Variants in ADAM18 observed in about 807,000 individuals in gnomAD.
ADAM18 encodes the protein ADAM metallopeptidase domain 18, also known as disintegrin and metalloproteinase domain-containing protein 18.
In ADAM18, 117 loss-of-function variants were observed where a neutral mutation model predicts 94.4. The ratio of observed to expected loss-of-function variants is 1.24; its 90% CI spans 1.07 to 1.45. The LOEUF is 1.45. ADAM18 is among the 40% of genes most tolerant of loss of function. ADAM18 has a pLI of 0.00. For synonymous variants in ADAM18, 327 were observed against 291.6 expected, an observed-to-expected ratio of 1.12 and a Z score of -1.24; for missense variants, 936 against 880.0, an observed-to-expected ratio of 1.06 and a Z score of -0.81.
At chr8:39,624,101 G>C (rs1429358733) in intron 6 of ADAM18, among the ~76,000 whole-genome samples, 1 of 152,060 alleles carries the variant, frequency 6.6e-6, no homozygotes, top group Non-Finnish European at 1.5e-5. Context: ...CCCTTCTTTA[G>C]GTTGTCTGTT....
At chr8:39,621,304 CA>C (rs1167288703) in intron 6 of ADAM18, among the ~76,000 whole-genome samples, 1 of 134,168 alleles carries the variant, frequency 7.5e-6, no homozygotes. Context: ...ACATGCATGA[CA>C]AAATCACACA....
intron 14 of ADAM18, among the ~76,000 whole-genome samples, chr8:39,676,584 G>A (rs931863239): frequency 2.1e-4 from 23 of 110,704 alleles, no homozygotes; most frequent in African/African-American, 7.5e-4. Flanking sequence ...GAAATCCCTC[G>A]ACTCCTTGCT....
intron 10 of ADAM18, 76 bp from the exon 11 acceptor site, chr8:39,645,262 T>C: frequency 7.9e-7 from 1 of 1,258,286 alleles, no homozygotes; most frequent in Admixed American, 2.2e-5. Flanking sequence ...GAAAATATGA[T>C]AGGAGTAAAA....
intron 16 of ADAM18, 91 bp from the exon 17 acceptor site, chr8:39,692,509 C>A: frequency 1.8e-6 from 1 of 543,210 alleles, no homozygotes; most frequent in Non-Finnish European, 3.1e-6. Context: ...TCAACTTAAG[C>A]ATCTCTTATA....
At chr8:39,591,732 A>G (rs1048914966) in intron 2 of ADAM18, among the ~76,000 whole-genome samples, 1 of 152,226 alleles carries the variant, frequency 6.6e-6, no homozygotes, top group African/African-American at 2.4e-5. Context: ...ATGAATCGTG[A>G]ATTGTCTTAA....
intron 7 of ADAM18, among the ~76,000 whole-genome samples, chr8:39,635,931 T>C (rs1820062593): frequency 6.6e-6 from 1 of 152,128 alleles, no homozygotes; most frequent in Admixed American, 6.6e-5. Flanking sequence ...TTTTCCTACA[T>C]TCTGAATGAT....
intron 12 of ADAM18, among the ~76,000 whole-genome samples, chr8:39,655,020 T>C (rs1170760353): frequency 6.6e-6 from 1 of 152,196 alleles, no homozygotes; most frequent in Non-Finnish European, 1.5e-5. Flanking sequence ...TCATTTGCTG[T>C]ACAGAAGCTT....
chr8:39,634,223 T>C (rs753951544), intron 7 of ADAM18, among the ~76,000 whole-genome samples: 1 of 152,130 alleles, frequency 6.6e-6, no homozygotes, highest in Non-Finnish European at 1.5e-5. Context: ...ACTGTGAACC[T>C]TGGCTGTGTC....
chr8:39,649,460 C>A (rs1412425535), intron 12 of ADAM18, among the ~76,000 whole-genome samples: 1 of 152,094 alleles, frequency 6.6e-6, no homozygotes, highest in Non-Finnish European at 1.5e-5. Flanking sequence ...CTGTGCTCAT[C>A]TTGCAGTCTC....
At chr8:39,586,108 A>C (rs77967245) in intron 2 of ADAM18, among the ~76,000 whole-genome samples, 2 of 152,202 alleles carry the variant, frequency 1.3e-5, no homozygotes, top group East Asian at 3.8e-4. Flanking sequence ...TAAGGAAAAG[A>C]TTAATCTATT....
intron 6 of ADAM18, among the ~76,000 whole-genome samples, chr8:39,623,303 A>G (rs755243693): frequency 1.4e-4 from 21 of 152,170 alleles, no homozygotes; most frequent in Non-Finnish European, 7.4e-5. Flanking sequence ...TGCTGGAGTA[A>G]ACATATGTGT....
At chr8:39,595,246 A>G (rs1016217139) in intron 2 of ADAM18, among the ~76,000 whole-genome samples, 2 of 151,864 alleles carry the variant, frequency 1.3e-5, no homozygotes, top group Admixed American at 6.6e-5. Flanking sequence ...TGTGTTATTC[A>G]TTGTACCTAA....
intron 6 of ADAM18, among the ~76,000 whole-genome samples, chr8:39,616,433 T>A (rs754871850): frequency 7.2e-5 from 11 of 152,118 alleles, no homozygotes; most frequent in Non-Finnish European, 7.4e-5. Context: ...ATTGTTAAAA[T>A]GACAGTGCAT....
At chr8:39,723,059 C>A (rs1177134207) in intron 18 of ADAM18, among the ~76,000 whole-genome samples, 1 of 151,324 alleles carries the variant, frequency 6.6e-6, no homozygotes, top group Non-Finnish European at 1.5e-5. Context: ...CTTTTTGAGA[C>A]CTGGAGAGTG....
chr8:39,667,037 C>A (rs1478850776), intron 13 of ADAM18, among the ~76,000 whole-genome samples: 2 of 152,068 alleles, frequency 1.3e-5, no homozygotes, highest in Non-Finnish European at 2.9e-5. Flanking sequence ...TAACTGTACA[C>A]CTCACCTAAG....
rs141084281 is a variant in ADAM18 at position 39,709,725 on chromosome 8, G to T, written c.2017+2821G>T. ...ATGTGGTAAATAGGTTTGGTGATGT[G>T]AGTCTTAATGAATGAAAATTACTGG... On this transcript the variant is annotated intron_variant, in intron 18 of 19. Coordinates refer to ENST00000265707, the MANE Select transcript of ADAM18 (RefSeq NM_014237.3). Among the ~76,000 whole-genome samples the T allele has an allele frequency of 2.7e-3, 408 of 152,282 alleles. 5 individuals are homozygous for T. Among genetic ancestry groups the T allele is most frequent in the African/African-American group, 9.4e-3 (392 of 41,564 alleles).
chr8:39,704,332 A>C (rs1157244853), intron 17 of ADAM18, among the ~76,000 whole-genome samples: 4 of 152,120 alleles, frequency 2.6e-5, no homozygotes, highest in Non-Finnish European at 5.9e-5. Flanking sequence ...AACCGAATTC[A>C]GAAGCACATC....
chr8:39,716,659 A>G (rs1563319151), intron 18 of ADAM18, among the ~76,000 whole-genome samples: 1 of 152,000 alleles, frequency 6.6e-6, no homozygotes. Context: ...CTTGAGAGCA[A>G]CACGCATTTT....
chr8:39,665,314 A>G (rs998178770), intron 13 of ADAM18, among the ~76,000 whole-genome samples: 3 of 152,168 alleles, frequency 2.0e-5, no homozygotes, highest in Admixed American at 2.0e-4. Context: ...AAGGATTGTA[A>G]GGATGTACCA....
Sources: allele counts gnomAD v4.1 joint callset (sites outside exome capture counted in the v4.1 genomes callset), GRCh38; gene constraint gnomAD v4.1.1; transcripts MANE v1.5; gene names NCBI Gene and HGNC (gene_info 2026-07-23, HGNC 2026-07-21).